MED12L: variants seen among roughly 807,000 people sequenced by gnomAD.
MED12L encodes the protein mediator of RNA polymerase II transcription subunit 12-like protein.
MED12L carries 60 observed loss-of-function variants against 281.3 expected under a neutral mutation model. The ratio of observed to expected loss-of-function variants is 0.21; its 90% CI spans 0.17 to 0.26. The LOEUF (loss-of-function observed/expected upper bound fraction) is 0.26, where lower values mean the gene tolerates loss of function less well. Ranked by LOEUF, MED12L falls within the 10% of genes least tolerant of loss-of-function variation. The pLI is 1.00. For synonymous variants in MED12L, 974 were observed against 987.2 expected (o/e 0.99, Z 0.25); for missense variants, 2,146 against 2,680.9 (o/e 0.80, Z 4.41).
At chr3:151,348,021 C>T (rs1752742051) in intron 16 of MED12L, among the ~76,000 whole-genome samples, 1 of 152,166 alleles carries the variant, frequency 6.6e-6, no homozygotes, top group South Asian at 2.1e-4. Context: ...CACCACCCCT[C>T]TTTGGACTTC....
intron 8 of MED12L, among the ~76,000 whole-genome samples, chr3:151,160,902 G>A (rs1719896566): frequency 6.6e-6 from 1 of 152,206 alleles, no homozygotes; most frequent in East Asian, 1.9e-4. Flanking sequence ...AATGAGTTGA[G>A]AAAGATCAAG....
intron 16 of MED12L, among the ~76,000 whole-genome samples, chr3:151,310,273 G>A (rs899871396): frequency 1.1e-4 from 17 of 152,122 alleles, no homozygotes; most frequent in Non-Finnish European, 2.4e-4. Context: ...GGAGAAGGAG[G>A]CAGAAAGGTT....
intron 5 of MED12L, among the ~76,000 whole-genome samples, chr3:151,131,741 AGAAATGG>A: frequency 8.9e-5 from 1 of 11,218 alleles, no homozygotes; most frequent in South Asian, 4.2e-3. Flanking sequence ...TACTAAATGG[AGAAATGG>A]AGGGAAGTAT....
At chr3:151,302,063 A>G (rs1180389576) in intron 16 of MED12L, among the ~76,000 whole-genome samples, 2 of 152,358 alleles carry the variant, frequency 1.3e-5, no homozygotes, top group African/African-American at 2.4e-5. Flanking sequence ...ATATTACTCA[A>G]TAAAAATAAG....
intron 17 of MED12L, among the ~76,000 whole-genome samples, chr3:151,352,788 CTT>C: frequency 6.6e-6 from 1 of 152,152 alleles, no homozygotes; most frequent in South Asian, 2.1e-4. Context: ...AATGGTGTAT[CTT>C]TTGAAAATAT....
At chr3:151,391,133 T>TA (rs1471759290) in intron 38 of MED12L, among the ~76,000 whole-genome samples, 1 of 152,246 alleles carries the variant, frequency 6.6e-6, no homozygotes, top group Admixed American at 6.5e-5. Flanking sequence ...TTGCAGTGAC[T>TA]AAAGTGTGCA....
At chr3:151,109,585 G>C (rs1711553439) in intron 2 of MED12L, among the ~76,000 whole-genome samples, 1 of 152,182 alleles carries the variant, frequency 6.6e-6, no homozygotes, top group Non-Finnish European at 1.5e-5. Context: ...GTGCACAATG[G>C]TTTGGTGCAC....
At chr3:151,313,046 T>C (rs1472471375) in intron 16 of MED12L, among the ~76,000 whole-genome samples, 3 of 152,282 alleles carry the variant, frequency 2.0e-5, no homozygotes, top group South Asian at 4.1e-4. Context: ...TTTGCACATG[T>C]TATTTGTTCT....
At chr3:151,285,395 C>T (rs183442989) in intron 16 of MED12L, among the ~76,000 whole-genome samples, 9 of 151,646 alleles carry the variant, frequency 5.9e-5, no homozygotes, top group Admixed American at 2.6e-4. Context: ...TGAGGCAGGA[C>T]GAGAATGGCG....
chr3:151,202,492 G>A (rs1725746260), intron 16 of MED12L, among the ~76,000 whole-genome samples: 2 of 152,194 alleles, frequency 1.3e-5, no homozygotes, highest in Non-Finnish European at 2.9e-5. Context: ...CCAACATGGT[G>A]AAATCCTGTC....
At chr3:151,315,857 A>G (rs1343564912) in intron 16 of MED12L, among the ~76,000 whole-genome samples, 1 of 152,168 alleles carries the variant, frequency 6.6e-6, no homozygotes, top group Non-Finnish European at 1.5e-5. Flanking sequence ...TCCATAGCAG[A>G]TAAATCTTAA....
chr3:151,304,803 GT>G (rs1005320574), intron 16 of MED12L, among the ~76,000 whole-genome samples: 4 of 152,134 alleles, frequency 2.6e-5, no homozygotes, highest in East Asian at 3.9e-4. Flanking sequence ...AATGATGAAC[GT>G]TTACAAAGCA....
chr3:151,355,500 T>C (rs1225267143), intron 18 of MED12L, among the ~76,000 whole-genome samples: 2 of 152,192 alleles, frequency 1.3e-5, no homozygotes. Flanking sequence ...ATAGTTAGGT[T>C]ATTAGAGTTT....
intron 35 of MED12L, 96 bp from the exon 36 acceptor site, chr3:151,384,934 A>G: frequency 1.3e-6 from 1 of 760,356 alleles, no homozygotes; most frequent in East Asian, 2.5e-5. Context: ...ATAAAAAGGG[A>G]AATGTTTCAT....
At chr3:151,291,385 G>A (rs1010871038) in intron 16 of MED12L, among the ~76,000 whole-genome samples, 1 of 152,072 alleles carries the variant, frequency 6.6e-6, no homozygotes, top group Admixed American at 6.5e-5. Context: ...AAATATTTAT[G>A]AAGTGGTTTA....
chr3:151,169,890 G>A (rs1300752581), intron 11 of MED12L, among the ~76,000 whole-genome samples: 1 of 152,186 alleles, frequency 6.6e-6, no homozygotes, highest in African/African-American at 2.4e-5. Context: ...TCGTGTCTAG[G>A]TAGGCCTAGG....
Position 151,394,873 on chromosome 3 carries a change from T to G in MED12L, c.5820+6T>G. ...AGACTCGGCCTTTCCAACAGGTTTG[T>G]CCAGACCCCAGCAATGGAGTCCTTT... On this transcript the variant is annotated splice_donor_region_variant and intron_variant, in intron 39 of 44. Transcript: ENST00000687756. 6.2e-7 allele frequency: 1 copy of G among 1,613,736 alleles called. No homozygotes were observed. The highest frequency in any genetic ancestry group is 8.5e-7 in the Non-Finnish European group (1 of 1,180,026).
At chr3:151,272,142 C>T (rs1230406672) in intron 16 of MED12L, among the ~76,000 whole-genome samples, 1 of 152,086 alleles carries the variant, frequency 6.6e-6, no homozygotes, top group African/African-American at 2.4e-5. Context: ...CAGTGTGTAC[C>T]ACATGAGCTT....
At chr3:151,109,651 T>C (rs1056879227) in intron 2 of MED12L, among the ~76,000 whole-genome samples, 1 of 152,264 alleles carries the variant, frequency 6.6e-6, no homozygotes, top group Non-Finnish European at 1.5e-5. Flanking sequence ...GCTGGCATTG[T>C]CTCTTGGCTT....
Sources: allele counts gnomAD v4.1 joint callset (sites outside exome capture counted in the v4.1 genomes callset), GRCh38; gene constraint gnomAD v4.1.1; transcripts MANE v1.5; gene names NCBI Gene and HGNC (gene_info 2026-07-23, HGNC 2026-07-21).